The following OR10A2 variants were observed in gnomAD, a reference collection of about 807,000 sequenced individuals.
The protein encoded by OR10A2 is olfactory receptor 10A2.
A neutral mutation model predicts 13.7 loss-of-function variants in OR10A2; 15 were observed. The ratio of observed to expected loss-of-function variants is 1.10; its 90% CI spans 0.73 to 1.69. The LOEUF is 1.69. Among genes scored for constraint, OR10A2 ranks in the 40% most tolerant of loss-of-function variants. The pLI, the probability that OR10A2 is intolerant of heterozygous loss-of-function variation, is 0.00. For synonymous variants in OR10A2, 145 were observed against 144.7 expected, an observed-to-expected ratio of 1.00 and a Z score of -0.02; for missense variants, 343 against 361.1, an observed-to-expected ratio of 0.95 and a Z score of 0.41.
intron 1 of OR10A2, among the ~76,000 whole-genome samples, chr11:6,864,452 G>A (rs985717152): frequency 6.8e-6 from 1 of 147,568 alleles, no homozygotes; most frequent in Non-Finnish European, 1.5e-5. Context: ...TAAAAACACT[G>A]GGCTTCTTCT....
chr11:6,867,479 T>C (rs1054669223), intron 1 of OR10A2, among the ~76,000 whole-genome samples: 1 of 152,198 alleles, frequency 6.6e-6, no homozygotes, highest in Admixed American at 6.5e-5. Flanking sequence ...CCCAAAGTGC[T>C]GGGATTACAG....
Position 6,871,826 on chromosome 11 carries a change from T to C in OR10A2, c.*1160T>C, listed in dbSNP as rs1036655561. On this transcript the variant is annotated 3_prime_UTR_variant, in exon 2 of 2. Transcript: ENST00000641461. ...CTACTACAAATCATGCTGTAAATAA[T>C]GGACTTATCCATATATCTGTTTTTA... 1 of 152,218 alleles carries C rather than the reference T, an allele frequency of 6.6e-6. No individual in the cohort carries two copies. Among genetic ancestry groups the C allele is most frequent in the East Asian group, 1.9e-4 (1 of 5,204 alleles). The allele number at this position is 152,218 out of a possible 1,614,324, so 9.4% of individuals were successfully genotyped here. A position where few individuals can be genotyped will look rare whatever the true frequency, so the allele number is the denominator to read the frequency against.
intron 1 of OR10A2, among the ~76,000 whole-genome samples, chr11:6,864,294 T>C (rs1848363507): frequency 7.4e-6 from 1 of 135,196 alleles, no homozygotes; most frequent in South Asian, 2.6e-4. Context: ...CTAGTTAAAG[T>C]GCGGTTCTAA....
chr11:6,864,273 T>C (rs1310987529), intron 1 of OR10A2, among the ~76,000 whole-genome samples: 3 of 151,320 alleles, frequency 2.0e-5, no homozygotes, highest in Non-Finnish European at 4.4e-5. Flanking sequence ...AACACATCTG[T>C]CATGAGGCTT....
intron 1 of OR10A2, 33 bp downstream of exon 1, chr11:6,863,384 T>TTTTTTC (rs1157884515): frequency 1.9e-5 from 1 of 52,476 alleles, no homozygotes; most frequent in African/African-American, 5.5e-5. Flanking sequence ...TTTTTTTTTT[T>TTTTTTC]CCACCAAGGA....
rs1006681358 is a variant in OR10A2 at position 6,863,289 on chromosome 11, G to C, written c.-195G>C. Reference sequence around the variant, plus strand: ...GAGCTGTTATATTACATGCATGAAGGACATGCATGAAGCATGGATGTCAGC... The same window carrying C: ...GAGCTGTTATATTACATGCATGAAGCACATGCATGAAGCATGGATGTCAGC... On this transcript the variant is annotated 5_prime_UTR_variant, in exon 1 of 2. Transcript: ENST00000641461. 1 of 150,732 alleles carries C rather than the reference G, an allele frequency of 6.6e-6. No homozygotes were observed. Among genetic ancestry groups the C allele is most frequent in the Non-Finnish European group, 1.5e-5 (1 of 67,828 alleles). 9.3% of individuals were successfully genotyped at this position (150,732 alleles called of 1,614,324 possible). A position where few individuals can be genotyped will look rare whatever the true frequency, so the allele number is the denominator to read the frequency against.
At chr11:6,864,332 A>AC (rs1313561427) in intron 1 of OR10A2, among the ~76,000 whole-genome samples, 1 of 151,966 alleles carries the variant, frequency 6.6e-6, no homozygotes, top group East Asian at 1.9e-4. Flanking sequence ...TCATTGAGAA[A>AC]AAAAAATTCT....
chr11:6,873,913 T>A lies in OR10A2; in HGVS notation c.*3247T>A, dbSNP rs1384492175. The A allele has an allele frequency of 2.6e-5, 4 of 152,178 alleles. No individual in the cohort carries two copies. The East Asian group carries it at 7.7e-4, about 29-fold the overall frequency. The allele number at this position is 152,178 out of a possible 1,614,324, so 9.4% of individuals were successfully genotyped here. Reference sequence around the variant, plus strand: ...AACCTAAAGGCAGTGGTGGTAGAGCTGGAGAAGGTGACACTGAATTAGTGT... The same window carrying A: ...AACCTAAAGGCAGTGGTGGTAGAGCAGGAGAAGGTGACACTGAATTAGTGT... On this transcript the variant is annotated 3_prime_UTR_variant, in exon 2 of 2. Transcript: ENST00000641461.
Position 6,874,666 on chromosome 11 carries a change from T to C in OR10A2, c.*4000T>C, listed in dbSNP as rs1848467783. The C allele has an allele frequency of 6.6e-6, 1 of 152,218 alleles. No homozygotes were observed. The allele number at this position is 152,218 out of a possible 1,614,324, so 9.4% of individuals were successfully genotyped here. ...TCAGATTCCTTGACTGTAAAATGGG[T>C]ATAATACTATCTGTATCTTCAGGTG... On this transcript the variant is annotated 3_prime_UTR_variant, in exon 2 of 2. Coordinates refer to ENST00000641461, the MANE Select transcript of OR10A2 (RefSeq NM_001004460.2).
chr11:6,865,676 T>C (rs777421256), intron 1 of OR10A2, among the ~76,000 whole-genome samples: 4 of 151,682 alleles, frequency 2.6e-5, no homozygotes, highest in Non-Finnish European at 5.9e-5. Context: ...TTTTAAAAAA[T>C]GTGTTCAAAG....
chr11:6,869,624 A>T lies in OR10A2; in HGVS notation c.-131A>T. 1 of 844,584 alleles carries T rather than the reference A, an allele frequency of 1.2e-6. No individual in the cohort carries two copies. Among genetic ancestry groups the T allele is most frequent in the Non-Finnish European group, 1.9e-6 (1 of 522,778 alleles). The allele number at this position is 844,584 out of a possible 1,614,324, so 52.3% of individuals were successfully genotyped here. A position where few individuals can be genotyped will look rare whatever the true frequency, so the allele number is the denominator to read the frequency against. ...TGACCTTGCCTCTTTCCCTGACAGT[A>T]AGAACGAGTCTGAAAAACAAATTGA... On this transcript the variant is annotated splice_region_variant and 5_prime_UTR_variant, in exon 2 of 2. An upstream open reading frame in the 5' UTR loses its in-frame stop. Transcript: ENST00000641461.
rs2133069632 is a variant in OR10A2, at chr11:6,869,793, A to G, written c.39A>G (p.Leu13=). ...CCCTGCCTACTGAAATACAGTCATT[A>G]CTCTTTCTGACATTTCTAACCATCT... is the stretch of plus-strand genomic sequence containing the variant. ...FSSLPTEIQS[L]LFLTFLTIYL... Residue 13 remains leucine (L), a synonymous_variant, in exon 2 of 2, where the codon TTA becomes TTG. Coordinates refer to ENST00000641461, the MANE Select transcript of OR10A2 (RefSeq NM_001004460.2). 1.9e-6 allele frequency: 3 copies of G among 1,613,898 alleles called. No individual in the cohort carries two copies. The highest frequency in any genetic ancestry group is 2.2e-5 in the South Asian group (2 of 91,066).
At chr11:6,865,643 A>AG (rs144290874) in intron 1 of OR10A2, among the ~76,000 whole-genome samples, 432 of 152,334 alleles carry the variant, frequency 2.8e-3, no homozygotes, top group African/African-American at 9.9e-3. Flanking sequence ...TAAATAAATT[A>AG]AGAAGATAAT....
intron 1 of OR10A2, among the ~76,000 whole-genome samples, chr11:6,864,313 AAAG>A (rs1221007205): frequency 7.2e-6 from 1 of 138,728 alleles, no homozygotes; most frequent in Non-Finnish European, 1.5e-5. Context: ...AACAAAAAAA[AAAG>A]AACAGTCATT....
At position 6,873,007 on chromosome 11, in the gene OR10A2, G is replaced by A. The variant is rs7129247; in HGVS notation, c.*2341G>A. The A allele has an allele frequency of 0.2, 30,613 of 150,406 alleles. 3,295 individuals are homozygous for A. Among genetic ancestry groups the A allele is most frequent in the Non-Finnish European group, 0.24 (16,124 of 67,696 alleles). 9.3% of individuals were successfully genotyped at this position (150,406 alleles called of 1,614,324 possible). On this transcript the variant is annotated 3_prime_UTR_variant, in exon 2 of 2. Coordinates refer to ENST00000641461, the MANE Select transcript of OR10A2 (RefSeq NM_001004460.2). ...ACTAATTTTTTTTTTGTATTTTTTA[G>A]TAGAGATGCAGTTTTACCATGTTGG... is the stretch of plus-strand genomic sequence containing the variant.
rs1421075368 is a variant in OR10A2, at chr11:6,872,217, G to A, written c.*1551G>A. 1 of 152,168 alleles carries A rather than the reference G, an allele frequency of 6.6e-6. No homozygotes were observed. Among genetic ancestry groups the A allele is most frequent in the Non-Finnish European group, 1.5e-5 (1 of 68,030 alleles). The allele number at this position is 152,168 out of a possible 1,614,324, so 9.4% of individuals were successfully genotyped here. A position where few individuals can be genotyped will look rare whatever the true frequency, so the allele number is the denominator to read the frequency against. ...GATTAGACGATTAGCAATTGGTGAT[G>A]TCTTGGTGTTTTATTTTCTCTTCTT... On this transcript the variant is annotated 3_prime_UTR_variant, in exon 2 of 2. Transcript: ENST00000641461.
Position 6,871,411 on chromosome 11 carries a change from A to T in OR10A2, c.*745A>T, listed in dbSNP as rs74833653. On this transcript the variant is annotated 3_prime_UTR_variant, in exon 2 of 2. Coordinates refer to ENST00000641461, the MANE Select transcript of OR10A2 (RefSeq NM_001004460.2). ...CTCTACATTCATGACAGAAAATCTCATGATCTTTCCCAACACATAACTCTC... is the reference window on the plus strand; with the variant it reads ...CTCTACATTCATGACAGAAAATCTCTTGATCTTTCCCAACACATAACTCTC... 1 of 152,120 alleles carries T rather than the reference A, an allele frequency of 6.6e-6. No individual in the cohort carries two copies. The highest frequency in any genetic ancestry group is 1.9e-4 in the East Asian group (1 of 5,194). The allele number at this position is 152,120 out of a possible 1,614,324, so 9.4% of individuals were successfully genotyped here. A position where few individuals can be genotyped will look rare whatever the true frequency, so the allele number is the denominator to read the frequency against.
In OR10A2 at chr11:6,869,695, G is replaced by A. The variant is rs1286329868; in HGVS notation, c.-60G>A. On this transcript the variant is annotated 5_prime_UTR_variant, in exon 2 of 2. Coordinates refer to ENST00000641461, the MANE Select transcript of OR10A2 (RefSeq NM_001004460.2). ...AATCTTTCTCCATGACCACAGTTGG[G>A]GACTTCTGCCCACACTTATAGCTAC... 2 of 1,367,318 alleles carry A rather than the reference G, an allele frequency of 1.5e-6. No homozygotes were observed. The highest frequency in any genetic ancestry group is 1.4e-5 in the African/African-American group (1 of 69,718). The allele number at this position is 1,367,318 out of a possible 1,614,324, so 84.7% of individuals were successfully genotyped here.
At chr11:6,863,941 T>G (rs1848361035) in intron 1 of OR10A2, among the ~76,000 whole-genome samples, 2 of 152,240 alleles carry the variant, frequency 1.3e-5, no homozygotes, top group Admixed American at 6.5e-5. Flanking sequence ...ATTCATAAAC[T>G]TTGTTAAAAC....
Sources: allele counts gnomAD v4.1 joint callset (sites outside exome capture counted in the v4.1 genomes callset), GRCh38; gene constraint gnomAD v4.1.1; transcripts MANE v1.5; gene names NCBI Gene and HGNC (gene_info 2026-07-23, HGNC 2026-07-21).